The following LOC400499 variants were observed in gnomAD, a reference collection of about 807,000 sequenced individuals.
chr16:11,476,778 C>T, the LOC400499 span: 238 of 399,296 alleles, frequency 6.0e-4, 2 homozygotes, highest in Non-Finnish European at 9.7e-5. Context: ...AGCTGAGCAG[C>T]TCCACGGCCT....
the LOC400499 span, chr16:11,518,878 G>A: frequency 1.8e-5 from 7 of 398,986 alleles, no homozygotes; most frequent in Non-Finnish European, 3.1e-5. Context: ...GCAGGTCCCA[G>A]CCCCATGGCC....
chr16:11,408,354 G>A, the LOC400499 span, among the ~76,000 whole-genome samples: 151,144 of 152,210 alleles, frequency 0.99, 75,067 homozygotes, highest in Middle Eastern at 1. Flanking sequence ...AAAATGTTCA[G>A]CCTGAATCTT....
the LOC400499 span, among the ~76,000 whole-genome samples, chr16:11,467,527 G>A: frequency 1.3e-5 from 2 of 152,038 alleles, no homozygotes; most frequent in Non-Finnish European, 1.5e-5. Flanking sequence ...TGGGAGGATC[G>A]CTGGAGACCA....
chr16:11,417,712 C>A, the LOC400499 span: 1 of 399,128 alleles, frequency 2.5e-6, no homozygotes, highest in Non-Finnish European at 4.4e-6. Context: ...GTGCCAGCTC[C>A]GGCCGGAGAG....
chr16:11,407,210 G>C, the LOC400499 span: 55 of 398,930 alleles, frequency 1.4e-4, no homozygotes, highest in Non-Finnish European at 1.3e-4. Context: ...CTGCAGAAAG[G>C]TCTGTTCCAG....
At chr16:11,460,542 C>T in the LOC400499 span, 50 of 1,535,538 alleles carry the variant, frequency 3.3e-5, no homozygotes, top group Admixed American at 2.2e-4. Context: ...CTGTAGGCAC[C>T]GTCTGAGCCA....
chr16:11,498,917 G>T, the LOC400499 span, among the ~76,000 whole-genome samples: 1 of 150,116 alleles, frequency 6.7e-6, no homozygotes, highest in South Asian at 2.1e-4. Context: ...ATTGAGGCCT[G>T]GGAAAGTAAA....
the LOC400499 span, chr16:11,515,800 G>GAAAAT: frequency 2.5e-6 from 1 of 403,074 alleles, no homozygotes; most frequent in Non-Finnish European, 4.4e-6. Context: ...AGGAGGAGGA[G>GAAAAT]GAAGAGGAAG....
the LOC400499 span, among the ~76,000 whole-genome samples, chr16:11,510,948 C>T: frequency 6.6e-6 from 1 of 151,186 alleles, no homozygotes; most frequent in Non-Finnish European, 1.5e-5. Flanking sequence ...TGATGTGAAC[C>T]AGTGCTCACA....
At chr16:11,475,514 A>G in the LOC400499 span, 1 of 396,078 alleles carries the variant, frequency 2.5e-6, no homozygotes, top group Non-Finnish European at 4.4e-6. Context: ...TTTGCAGAAT[A>G]TGAATACTTT....
the LOC400499 span, among the ~76,000 whole-genome samples, chr16:11,499,796 G>A: frequency 1.5e-4 from 23 of 152,136 alleles, no homozygotes; most frequent in Non-Finnish European, 1.6e-4. Flanking sequence ...ACTATTAGCC[G>A]GGACAAGATG....
chr16:11,434,018 TTGG>T, the LOC400499 span, among the ~76,000 whole-genome samples: 2 of 151,932 alleles, frequency 1.3e-5, no homozygotes, highest in Non-Finnish European at 2.9e-5. Context: ...TTACAGCCAG[TTGG>T]TCAGGAGGCA....
the LOC400499 span, chr16:11,443,428 TC>T: frequency 2.6e-6 from 1 of 391,378 alleles, no homozygotes; most frequent in Admixed American, 3.2e-5. Flanking sequence ...GTCATTGCAC[TC>T]CAGACTCCAG....
chr16:11,496,888 A>ATGTGTGTG, the LOC400499 span, among the ~76,000 whole-genome samples: 15 of 144,384 alleles, frequency 1.0e-4, no homozygotes, highest in South Asian at 2.6e-3. Flanking sequence ...GTATGCCTCA[A>ATGTGTGTG]TGTGTGTGTG....
the LOC400499 span, among the ~76,000 whole-genome samples, chr16:11,375,983 C>G: frequency 1.3e-5 from 2 of 152,230 alleles, no homozygotes; most frequent in African/African-American, 4.8e-5. Context: ...AGGTGATCCA[C>G]CTGCCTCGGG....
At chr16:11,416,759 G>A in the LOC400499 span, among the ~76,000 whole-genome samples, 16 of 152,284 alleles carry the variant, frequency 1.1e-4, 1 homozygote, top group East Asian at 9.6e-4. Flanking sequence ...CCAGGCAGGC[G>A]TGTGGGAGAG....
chr16:11,439,823 C>T, the LOC400499 span, among the ~76,000 whole-genome samples: 4 of 152,030 alleles, frequency 2.6e-5, no homozygotes, highest in African/African-American at 9.7e-5. Flanking sequence ...CCCCTACTCC[C>T]TGCCATGTTG....
chr16:11,473,189 C>T, the LOC400499 span: 2 of 151,286 alleles, frequency 1.3e-5, no homozygotes, highest in African/African-American at 2.4e-5. Flanking sequence ...AATCAGAAAG[C>T]TCAGAAAGAT....
the LOC400499 span, among the ~76,000 whole-genome samples, chr16:11,388,108 G>A: frequency 4.1e-4 from 63 of 152,226 alleles, no homozygotes; most frequent in Admixed American, 1.0e-3. Flanking sequence ...AGGGGCAGGT[G>A]GCCTCACTTG....
Sources: allele counts gnomAD v4.1 joint callset (sites outside exome capture counted in the v4.1 genomes callset), GRCh38; gene constraint gnomAD v4.1.1; transcripts MANE v1.5.